TMEM74B: variants seen among roughly 807,000 people sequenced by gnomAD.
TMEM74B encodes the protein transmembrane protein C20orf46.
Under a neutral mutation model 6.5 loss-of-function variants are expected in TMEM74B, and 7 were observed. That is an observed-to-expected ratio of 1.07 (90% CI 0.61 to 2.01). TMEM74B has a LOEUF of 2.01. Among genes scored for constraint, TMEM74B ranks in the 30% most tolerant of loss-of-function variants. TMEM74B has a pLI of 0.00. For missense variants in TMEM74B, 342 were observed against 337.0 expected (o/e 1.01, Z -0.12); for synonymous variants, 151 against 151.6 (o/e 1.00, Z 0.03).
At chr20:1,183,365 GGAAT>G (rs764523098) in intron 2 of TMEM74B, among the ~76,000 whole-genome samples, 6 of 151,840 alleles carry the variant, frequency 4.0e-5, no homozygotes, top group East Asian at 1.9e-4. Flanking sequence ...GAGGATGAAT[GGAAT>G]GAATGAATGA....
At position 1,180,947 on chromosome 20, in the gene TMEM74B, G is replaced by A. The variant is rs769885263; in HGVS notation, c.672C>T (p.Asn224=). 1.9e-6 allele frequency: 3 copies of A among 1,614,180 alleles called. No homozygotes were observed. Among genetic ancestry groups the A allele is most frequent in the Non-Finnish European group, 2.5e-6 (3 of 1,180,008 alleles). ...CCCCATTGAGCTGTCTCATGCGCAG[G>A]TTAATGGAGCCGTAGGTCTTCCTGG... The part of the protein sequence containing the change: ...KGSRKTYGSI[N]LRMRQLNGDG... Residue 224 remains asparagine, a synonymous_variant, in exon 3 of 3, where the codon AAC becomes AAT. Transcript: ENST00000429036. This position sits in a 1 kb window ranked among gnomAD's most constrained non-coding sequence, Gnocchi z 6.1.
chr20:1,185,930 A>T (rs2122695058), upstream of TMEM74B, among the ~76,000 whole-genome samples: 1 of 150,728 alleles, frequency 6.6e-6, no homozygotes. Context: ...CAAGGGCGCC[A>T]CCTGAAGGCT....
At chr20:1,188,598 C>T (rs1221835764), upstream of TMEM74B, among the ~76,000 whole-genome samples, 1 of 148,412 alleles carries the variant, frequency 6.7e-6, no homozygotes, top group East Asian at 2.0e-4. Context: ...ACACCATACA[C>T]ACAATACACA....
At chr20:1,188,518 C>T (rs1287752303), upstream of TMEM74B, among the ~76,000 whole-genome samples, 1 of 149,180 alleles carries the variant, frequency 6.7e-6, no homozygotes, top group East Asian at 2.0e-4. Flanking sequence ...GCCACACACA[C>T]ACTCTACACA....
At chr20:1,185,001 G>T (rs2086983052), upstream of TMEM74B, 1 of 152,250 alleles carries the variant, frequency 6.6e-6, no homozygotes, top group Non-Finnish European at 1.5e-5. Flanking sequence ...CCAGGCGGAG[G>T]CCCGGGGAGG....
chr20:1,181,535 G>C lies in TMEM74B; in HGVS notation c.84C>G (p.Pro28=), dbSNP rs772357576. The change falls in exon 3 of 3, where the codon CCC becomes CCG. Residue 28 remains proline, a synonymous_variant. Coordinates refer to ENST00000429036, the MANE Select transcript of TMEM74B (RefSeq NM_001304748.2). This position sits in a 1 kb window ranked among gnomAD's most constrained non-coding sequence, Gnocchi z 4.9. ...TCAGTGTCTTCAGTTCCAGACCAGG[G>C]GGAGATGCCATTGGGAAGGAGGGCC... The part of the protein sequence containing the change: ...ELGPSFPMAS[P]PGLELKTLSN... 1.3e-6 allele frequency: 2 copies of C among 1,482,036 alleles called. No homozygotes were observed. Among genetic ancestry groups the C allele is most frequent in the Non-Finnish European group, 1.8e-6 (2 of 1,119,608 alleles). 91.8% of individuals were successfully genotyped at this position (1,482,036 alleles called of 1,614,324 possible).
At chr20:1,182,503 T>G (rs1600189987) in intron 2 of TMEM74B, among the ~76,000 whole-genome samples, 3 of 141,510 alleles carry the variant, frequency 2.1e-5, no homozygotes, top group African/African-American at 7.7e-5. Context: ...AGGATGGGGG[T>G]CCAGCAAGGA....
upstream of TMEM74B, among the ~76,000 whole-genome samples, chr20:1,188,130 T>C (rs6134143): frequency 0.31 from 46,650 of 149,914 alleles, 7,689 homozygotes; most frequent in Middle Eastern, 0.44. Flanking sequence ...GATGATTACA[T>C]ACAGAAAGTT....
chr20:1,188,221 C>T (rs143847903), upstream of TMEM74B, among the ~76,000 whole-genome samples: 31 of 146,602 alleles, frequency 2.1e-4, no homozygotes, highest in East Asian at 4.9e-3. Context: ...TACTGTCAGG[C>T]GAGAGGGCCT....
chr20:1,185,180 G>C (rs1041302023), upstream of TMEM74B: 2 of 152,108 alleles, frequency 1.3e-5, no homozygotes, highest in Admixed American at 1.3e-4. Flanking sequence ...CTGGGGCGAA[G>C]GGCGCCCGGC....
intron 2 of TMEM74B, 149 bp downstream of exon 2, chr20:1,183,622 G>T (rs186733406): frequency 2.4e-6 from 2 of 839,780 alleles, no homozygotes. Context: ...ACTTCATGCA[G>T]GAGTATCTCA....
chr20:1,183,854 T>G lies in TMEM74B; in HGVS notation c.-53A>C, dbSNP rs534854491. The G allele has an allele frequency of 6.2e-7, 1 of 1,608,412 alleles. No homozygotes were observed. Among genetic ancestry groups the G allele is most frequent in the Admixed American group, 1.7e-5 (1 of 59,338 alleles). On this transcript the variant is annotated 5_prime_UTR_variant, in exon 2 of 3. Transcript: ENST00000429036. Reference sequence around the variant, plus strand: ...ATCCCTCACTCATAGACTCTTCATTTTATCCAGCTGTTTATCAGCAACCGT... The same window carrying G: ...ATCCCTCACTCATAGACTCTTCATTGTATCCAGCTGTTTATCAGCAACCGT...
chr20:1,185,083 GC>G (rs1298732793), upstream of TMEM74B: 6 of 152,266 alleles, frequency 3.9e-5, no homozygotes, highest in South Asian at 1.0e-3. Context: ...GCCACTCCCC[GC>G]CCCCGGCCCT....
intron 2 of TMEM74B, among the ~76,000 whole-genome samples, chr20:1,183,493 G>A (rs529219986): frequency 2.0e-5 from 3 of 152,244 alleles, no homozygotes; most frequent in African/African-American, 7.2e-5. Flanking sequence ...GGCCTTTCAT[G>A]TGAGTACAAA....
At chr20:1,182,382 T>C (rs1265015735) in intron 2 of TMEM74B, among the ~76,000 whole-genome samples, 1 of 151,458 alleles carries the variant, frequency 6.6e-6, no homozygotes, top group African/African-American at 2.4e-5. Context: ...CAGAGGACTC[T>C]GAAAGCCAGG....
rs900061396 is a variant in TMEM74B, at chr20:1,184,452, G to C, written c.-298C>G. The C allele has an allele frequency of 6.6e-6, 1 of 152,308 alleles. No homozygotes were observed. The highest frequency in any genetic ancestry group is 2.4e-5 in the African/African-American group (1 of 41,324). 9.4% of individuals were successfully genotyped at this position (152,308 alleles called of 1,614,324 possible). A position where few individuals can be genotyped will look rare whatever the true frequency, so the allele number is the denominator to read the frequency against. On this transcript the variant is annotated 5_prime_UTR_variant, in exon 1 of 3. Coordinates refer to ENST00000429036, the MANE Select transcript of TMEM74B (RefSeq NM_001304748.2). This position sits in a 1 kb window ranked among gnomAD's most constrained non-coding sequence, Gnocchi z 6.0. ...CCATTCACACCCCACGACCCCACCAGTTACTAATTTCATCTGCAGTCAGAC... is the reference window on the plus strand; with the variant it reads ...CCATTCACACCCCACGACCCCACCACTTACTAATTTCATCTGCAGTCAGAC...
chr20:1,187,985 A>G (rs1451309452), upstream of TMEM74B, among the ~76,000 whole-genome samples: 1 of 152,144 alleles, frequency 6.6e-6, no homozygotes, highest in Non-Finnish European at 1.5e-5. Flanking sequence ...AGATAAACAT[A>G]TGTCTGCTAT....
upstream of TMEM74B, chr20:1,185,271 C>A (rs936509552): frequency 1.3e-5 from 2 of 150,016 alleles, 1 homozygote; most frequent in Admixed American, 1.3e-4. Context: ...GTCTCGCCTG[C>A]GGGGGTCTCT....
At chr20:1,182,186 G>A (rs1261969510) in intron 2 of TMEM74B, among the ~76,000 whole-genome samples, 1 of 151,030 alleles carries the variant, frequency 6.6e-6, no homozygotes, top group East Asian at 1.9e-4. Context: ...GATGACGGAG[G>A]GGTGGGGGAG....
Sources: allele counts gnomAD v4.1 joint callset (sites outside exome capture counted in the v4.1 genomes callset), GRCh38; gene constraint gnomAD v4.1.1; non-coding constraint Gnocchi (gnomAD v3.1); transcripts MANE v1.5; gene names NCBI Gene and HGNC (gene_info 2026-07-23, HGNC 2026-07-21).